SLCO1C1: variants seen among roughly 807,000 people sequenced by gnomAD.
The protein encoded by SLCO1C1 is solute carrier organic anion transporter family member 1C1, also known as OAT-RP-5.
SLCO1C1 carries 70 observed loss-of-function variants against 76.4 expected under a neutral mutation model. That is an observed-to-expected ratio of 0.92 (90% CI 0.76 to 1.12). The LOEUF (loss-of-function observed/expected upper bound fraction) is 1.12, where lower values mean the gene tolerates loss of function less well. SLCO1C1 is among the 50% of genes most tolerant of loss of function. The pLI, the probability that SLCO1C1 is intolerant of heterozygous loss-of-function variation, is 0.00. For missense variants in SLCO1C1, 912 were observed against 823.8 expected (o/e 1.11, Z -1.31); for synonymous variants, 306 against 286.1 (o/e 1.07, Z -0.70).
chr12:20,726,419 A>G (rs1293484217), intron 9 of SLCO1C1, among the ~76,000 whole-genome samples: 1 of 152,100 alleles, frequency 6.6e-6, no homozygotes, highest in African/African-American at 2.4e-5. Context: ...CAACTGTTAC[A>G]ACGACAACTT....
chr12:20,695,575 G>A lies in SLCO1C1; in HGVS notation c.-258G>A, dbSNP rs1054350646. On this transcript the variant is annotated 5_prime_UTR_variant, in exon 1 of 15. Coordinates refer to ENST00000266509, the MANE Select transcript of SLCO1C1 (RefSeq NM_017435.5). Reference sequence around the variant, plus strand: ...CTCTGCTGACTGCCAGAAAAAAGAGGCCAGGAAGAAAGAGGAAAGAGAAGA... The same window carrying A: ...CTCTGCTGACTGCCAGAAAAAAGAGACCAGGAAGAAAGAGGAAAGAGAAGA... The A allele has an allele frequency of 6.6e-5, 10 of 152,122 alleles. No homozygotes were observed. Among genetic ancestry groups the A allele is most frequent in the African/African-American group, 2.4e-4 (10 of 41,416 alleles). The allele number at this position is 152,122 out of a possible 1,614,324, so 9.4% of individuals were successfully genotyped here.
intron 11 of SLCO1C1, 97 bp from the exon 12 acceptor site, chr12:20,740,087 C>T (rs1948732172): frequency 2.5e-6 from 3 of 1,182,756 alleles, no homozygotes; most frequent in Admixed American, 4.8e-5. Flanking sequence ...TCATTGTTTA[C>T]ATAATGCATG....
chr12:20,742,690 T>C (rs962609974), intron 12 of SLCO1C1, among the ~76,000 whole-genome samples: 6 of 132,190 alleles, frequency 4.5e-5, no homozygotes, highest in African/African-American at 1.6e-4. Context: ...CCCGCCACCA[T>C]GCCCAGCTAA....
At chr12:20,701,956 A>T (rs1236722847) in intron 3 of SLCO1C1, among the ~76,000 whole-genome samples, 7 of 151,966 alleles carry the variant, frequency 4.6e-5, no homozygotes, top group Non-Finnish European at 8.8e-5. Flanking sequence ...ATTACCAAGA[A>T]CACAAGATCA....
Position 20,752,545 on chromosome 12 carries a change from A to G in SLCO1C1, c.*17A>G. The stretch of plus-strand genomic sequence containing the variant: ...CAACTTTAGAAACATGATGACTGGA[A>G]GTCATGTCTTCTAATTGGTTGACAT... On this transcript the variant is annotated 3_prime_UTR_variant, in exon 15 of 15. Coordinates refer to ENST00000266509, the MANE Select transcript of SLCO1C1 (RefSeq NM_017435.5). 1.3e-6 allele frequency: 2 copies of G among 1,546,806 alleles called. No homozygotes were observed. Among genetic ancestry groups the G allele is most frequent in the Non-Finnish European group, 1.8e-6 (2 of 1,142,038 alleles).
Position 20,721,964 on chromosome 12 carries a change from T to A in SLCO1C1, c.936T>A (p.Ser312=). The change falls in exon 8 of 15, where the codon TCT becomes TCA. Residue 312 remains serine, a synonymous_variant. Coordinates refer to ENST00000266509, the MANE Select transcript of SLCO1C1 (RefSeq NM_017435.5). The part of the protein sequence containing the change: ...SQSREDSNSS[S]EKSKFIIDDH... Reference sequence around the variant, plus strand: ...GTAGAGAGGATTCTAATTCTTCCTCTGAGAAATCCAAGTTTATTATAGATG... The same window carrying A: ...GTAGAGAGGATTCTAATTCTTCCTCAGAGAAATCCAAGTTTATTATAGATG... The A allele has an allele frequency of 6.2e-7, 1 of 1,614,126 alleles. No individual in the cohort carries two copies. Among genetic ancestry groups the A allele is most frequent in the Non-Finnish European group, 8.5e-7 (1 of 1,179,998 alleles).
At chr12:20,710,698 T>C (rs932915494) in intron 4 of SLCO1C1, among the ~76,000 whole-genome samples, 1 of 152,164 alleles carries the variant, frequency 6.6e-6, no homozygotes, top group African/African-American at 2.4e-5. Context: ...TCAGGATAAA[T>C]GGTACAAAAT....
At chr12:20,746,011 T>A (rs2417864) in intron 13 of SLCO1C1, among the ~76,000 whole-genome samples, 64,693 of 151,956 alleles carry the variant, frequency 0.43, 16,893 homozygotes, top group East Asian at 0.6. Context: ...TATCTAAATA[T>A]AATCTCGCAG....
chr12:20,697,322 A>G lies in SLCO1C1; in HGVS notation c.-26+1515A>G, dbSNP rs1016260530. 8 of 152,082 alleles carry G rather than the reference A, an allele frequency of 5.3e-5. 1 individual carries two copies. The highest frequency in any genetic ancestry group is 2.9e-5 in the Non-Finnish European group (2 of 67,986). The allele number at this position is 152,082 out of a possible 1,614,324, so 9.4% of individuals were successfully genotyped here. On this transcript the variant is annotated intron_variant, in intron 1 of 14. Transcript: ENST00000266509. ...AATTTAATCCTTTGAAGAATATTGCAATTTAAGCCAGAAATTTAATAATTA... is the reference window on the plus strand; with the variant it reads ...AATTTAATCCTTTGAAGAATATTGCGATTTAAGCCAGAAATTTAATAATTA...
intron 7 of SLCO1C1, among the ~76,000 whole-genome samples, chr12:20,719,886 C>T (rs115210843): frequency 6.6e-6 from 1 of 152,210 alleles, no homozygotes; most frequent in Admixed American, 6.5e-5. Flanking sequence ...TGCTAAACAA[C>T]AGATTTTCAT....
Position 20,733,059 on chromosome 12 carries a change from G to A in SLCO1C1, c.1337G>A (p.Gly446Asp). The A allele has an allele frequency of 6.2e-7, 1 of 1,608,226 alleles. No homozygotes were observed. The highest frequency in any genetic ancestry group is 8.5e-7 in the Non-Finnish European group (1 of 1,177,774). The change falls in exon 10 of 15, where the codon GGC (glycine) becomes GAC (aspartate). Residue 446 changes from glycine to aspartate, a missense_variant. By Grantham distance (94) the Gly-to-Asp change is moderately conservative. Transcript: ENST00000266509. Reference protein sequence around the residue: ...YLLFLSLFALGCENSDVAGLT... With the variant: ...YLLFLSLFALDCENSDVAGLT... ...CTATTTCTTTCCCTGTTTGCACTGG[G>A]CTGTGAAAATTCTGATGTGGCAGGA...
At chr12:20,738,897 G>T (rs960724811) in intron 11 of SLCO1C1, among the ~76,000 whole-genome samples, 1 of 151,942 alleles carries the variant, frequency 6.6e-6, no homozygotes, top group Non-Finnish European at 1.5e-5. Context: ...AGATTCAAAG[G>T]TTTCAACTTG....
chr12:20,722,886 T>C (rs758734959), intron 8 of SLCO1C1, among the ~76,000 whole-genome samples: 1 of 152,206 alleles, frequency 6.6e-6, no homozygotes, highest in African/African-American at 2.4e-5. Flanking sequence ...TGAGTGCCTA[T>C]GTCTGGATTC....
intron 12 of SLCO1C1, among the ~76,000 whole-genome samples, chr12:20,742,408 ACACT>A (rs1478224610): frequency 2.6e-5 from 4 of 152,118 alleles, no homozygotes; most frequent in East Asian, 1.9e-4. Context: ...AGTGTGGTTA[ACACT>A]CAGTAGTTAT....
chr12:20,723,242 A>G lies in SLCO1C1; in HGVS notation c.1174A>G (p.Asn392Asp). The change falls in exon 9 of 15, where the codon AAC becomes GAC. Residue 392 changes from asparagine (N) to aspartate (D), a missense_variant. By Grantham distance (23) the Asn-to-Asp change is conservative. Coordinates refer to ENST00000266509, the MANE Select transcript of SLCO1C1 (RefSeq NM_017435.5). ...GTATGGACAGTCATCCTCCAGGGCC[A>G]ACTTTGTGATCGGTATGCTCATCTG... ...QQYGQSSSRANFVIGLINIPA... is the reference protein window; with the variant it reads ...QQYGQSSSRADFVIGLINIPA... The G allele has an allele frequency of 6.2e-7, 1 of 1,613,722 alleles. No homozygotes were observed. Among genetic ancestry groups the G allele is most frequent in the Non-Finnish European group, 8.5e-7 (1 of 1,179,848 alleles).
rs907446340 is a variant in SLCO1C1, at chr12:20,714,999, C to G, written c.530-140C>G. On this transcript the variant is annotated intron_variant, in intron 5 of 14. Transcript: ENST00000266509. ...GTATAAAACATTTTTAGAACTTGACCAAACTCCCATCAAATTAAGACTATT... is the reference window on the plus strand; with the variant it reads ...GTATAAAACATTTTTAGAACTTGACGAAACTCCCATCAAATTAAGACTATT... 5 of 1,029,004 alleles carry G rather than the reference C, an allele frequency of 4.9e-6. No homozygotes were observed. In the African/African-American group the frequency reaches 8.0e-5, roughly 17 times the overall value. The allele number at this position is 1,029,004 out of a possible 1,614,324, so 63.7% of individuals were successfully genotyped here.
intron 12 of SLCO1C1, among the ~76,000 whole-genome samples, chr12:20,741,577 T>C (rs1487867911): frequency 6.6e-6 from 1 of 152,178 alleles, no homozygotes; most frequent in East Asian, 1.9e-4. Context: ...ACATATTTCC[T>C]TCTTCCTGTA....
intron 9 of SLCO1C1, among the ~76,000 whole-genome samples, chr12:20,726,192 G>T (rs74440058): frequency 6.6e-6 from 1 of 151,716 alleles, no homozygotes; most frequent in South Asian, 2.1e-4. Flanking sequence ...TATATCTGTC[G>T]TTCAATAAAT....
chr12:20,730,990 C>T (rs1345099298), intron 9 of SLCO1C1, among the ~76,000 whole-genome samples: 1 of 152,180 alleles, frequency 6.6e-6, no homozygotes. Flanking sequence ...TTGACAAAGG[C>T]TTTGAGTCAA....
Sources: allele counts gnomAD v4.1 joint callset (sites outside exome capture counted in the v4.1 genomes callset), GRCh38; gene constraint gnomAD v4.1.1; transcripts MANE v1.5; gene names NCBI Gene and HGNC (gene_info 2026-07-23, HGNC 2026-07-21).